Variants in KYNU observed in about 807,000 individuals in gnomAD.
The protein encoded by KYNU is L-kynurenine hydrolase.
KYNU carries 54 observed loss-of-function variants against 59.2 expected under a neutral mutation model. That is an observed-to-expected ratio of 0.91 (90% CI 0.73 to 1.14). The LOEUF (loss-of-function observed/expected upper bound fraction) is 1.14. Among genes scored for constraint, KYNU ranks in the 50% most tolerant of loss-of-function variants. KYNU has a pLI of 0.00. For missense variants in KYNU, 567 were observed against 554.4 expected (o/e 1.02, Z -0.23); for synonymous variants, 177 against 192.0 (o/e 0.92, Z 0.65).
intron 2 of KYNU, among the ~76,000 whole-genome samples, chr2:142,891,378 T>C (rs1681707749): frequency 6.6e-6 from 1 of 152,084 alleles, no homozygotes; most frequent in Non-Finnish European, 1.5e-5. Flanking sequence ...TATTAAACTA[T>C]ATTTGGAGAA....
intron 10 of KYNU, among the ~76,000 whole-genome samples, chr2:143,014,523 T>C (rs1220482096): frequency 2.0e-5 from 3 of 152,200 alleles, no homozygotes; most frequent in Non-Finnish European, 4.4e-5. Flanking sequence ...AAATCAAAAG[T>C]CTTGGCTTTT....
chr2:142,880,954 C>A (rs1401707008), intron 1 of KYNU, among the ~76,000 whole-genome samples: 1 of 152,158 alleles, frequency 6.6e-6, no homozygotes, highest in Non-Finnish European at 1.5e-5. Flanking sequence ...TAGTACCTGG[C>A]AGAATGTATT....
chr2:142,901,245 A>G (rs2104945957), intron 2 of KYNU, among the ~76,000 whole-genome samples: 1 of 152,194 alleles, frequency 6.6e-6, no homozygotes, highest in South Asian at 2.1e-4. Context: ...AAGGGTTTTA[A>G]GTAATTTCTA....
chr2:143,007,427 CT>C (rs1275562439), intron 10 of KYNU, among the ~76,000 whole-genome samples: 1 of 140,460 alleles, frequency 7.1e-6, no homozygotes, highest in Non-Finnish European at 1.5e-5. Context: ...AAATCTACGT[CT>C]GATTGGTGTA....
At chr2:142,960,005 G>A (rs1445354759) in intron 7 of KYNU, among the ~76,000 whole-genome samples, 5 of 152,010 alleles carry the variant, frequency 3.3e-5, no homozygotes, top group Admixed American at 6.6e-5. Flanking sequence ...TCGTGCTTCC[G>A]CCACCCAAGT....
At chr2:142,928,081 T>C (rs1286414858) in intron 4 of KYNU, among the ~76,000 whole-genome samples, 1 of 152,202 alleles carries the variant, frequency 6.6e-6, no homozygotes, top group African/African-American at 2.4e-5. Context: ...TTTTCTATAA[T>C]TTAACTATTT....
chr2:142,944,839 G>A (rs556609923), intron 4 of KYNU, among the ~76,000 whole-genome samples: 15 of 152,306 alleles, frequency 9.8e-5, no homozygotes, highest in African/African-American at 2.9e-4. Flanking sequence ...GGTTGCTGCA[G>A]TAATGCAAAT....
At chr2:142,953,626 A>C (rs974243786) in intron 4 of KYNU, among the ~76,000 whole-genome samples, 3 of 152,204 alleles carry the variant, frequency 2.0e-5, no homozygotes, top group African/African-American at 7.2e-5. Context: ...AGTTCTAGGA[A>C]TATACAGTGA....
rs1409620940 is a variant in KYNU, at chr2:143,044,058, T to A, written c.*1886T>A. ...TGTTCATATGTTCTCATTGTTCAAC[T>A]CTCACTTATGGGTAAGAACATGCAG... On this transcript the variant is annotated 3_prime_UTR_variant, in exon 14 of 14. Transcript: ENST00000264170. 6.6e-6 allele frequency: 1 copy of A among 152,034 alleles called. No homozygotes were observed. Among genetic ancestry groups the A allele is most frequent in the Non-Finnish European group, 1.5e-5 (1 of 68,002 alleles). 9.4% of individuals were successfully genotyped at this position (152,034 alleles called of 1,614,324 possible).
intron 1 of KYNU, among the ~76,000 whole-genome samples, chr2:142,884,553 A>G (rs552536420): frequency 3.3e-5 from 5 of 152,304 alleles, no homozygotes; most frequent in African/African-American, 1.2e-4. Flanking sequence ...TGGAAGCCAC[A>G]AGTGTGGTAC....
chr2:142,913,548 G>T (rs1185047905), intron 2 of KYNU, among the ~76,000 whole-genome samples: 3 of 152,070 alleles, frequency 2.0e-5, no homozygotes, highest in African/African-American at 7.2e-5. Flanking sequence ...TTCCACTGTG[G>T]TCTGAAAGTA....
chr2:143,035,099 C>T (rs544444571), intron 12 of KYNU, among the ~76,000 whole-genome samples: 18 of 152,188 alleles, frequency 1.2e-4, no homozygotes, highest in Non-Finnish European at 1.8e-4. Context: ...CAGTTATAAT[C>T]TGAGAACTGA....
intron 8 of KYNU, among the ~76,000 whole-genome samples, chr2:142,980,547 G>A (rs1685023087): frequency 6.6e-6 from 1 of 152,046 alleles, no homozygotes; most frequent in Admixed American, 6.6e-5. Flanking sequence ...GAAATTAATG[G>A]GGGCTCTGTG....
intron 10 of KYNU, among the ~76,000 whole-genome samples, chr2:143,028,442 C>A (rs2104911440): frequency 6.7e-6 from 1 of 149,818 alleles, no homozygotes; most frequent in East Asian, 2.0e-4. Context: ...CGGTGTTTCA[C>A]CATGTTGGTC....
intron 8 of KYNU, among the ~76,000 whole-genome samples, chr2:142,968,457 C>T (rs1684613712): frequency 6.6e-6 from 1 of 152,092 alleles, no homozygotes; most frequent in Non-Finnish European, 1.5e-5. Flanking sequence ...TTTAGCTTTG[C>T]CCTGAAGACC....
In KYNU at chr2:142,989,434, G is replaced by A. The variant is rs1051130574; in HGVS notation, c.902+3413G>A. The stretch of plus-strand genomic sequence containing the variant: ...GAACATCAAATACAGTGGAACAAAT[G>A]TAACTGCTATTGATGTCACACTTTG... On this transcript the variant is annotated intron_variant, in intron 10 of 13. Transcript: ENST00000264170. 7.1e-6 allele frequency: 7 copies of A among 984,334 alleles called. No homozygotes were observed. The African/African-American group carries it at 1.0e-4, about 15-fold the overall frequency. The allele number at this position is 984,334 out of a possible 1,614,324, so 61.0% of individuals were successfully genotyped here. A position where few individuals can be genotyped will look rare whatever the true frequency, so the allele number is the denominator to read the frequency against.
intron 8 of KYNU, among the ~76,000 whole-genome samples, chr2:142,966,090 T>C (rs1684521951): frequency 6.6e-6 from 1 of 152,128 alleles, no homozygotes; most frequent in Admixed American, 6.6e-5. Flanking sequence ...TATGCCTAAA[T>C]CATCTTGAGG....
intron 8 of KYNU, among the ~76,000 whole-genome samples, chr2:142,984,605 AG>A (rs1409691128): frequency 3.3e-5 from 5 of 152,088 alleles, no homozygotes; most frequent in African/African-American, 1.2e-4. Flanking sequence ...AATGTGGTCA[AG>A]GGTTTTATGT....
At chr2:142,945,765 G>A (rs1296539789) in intron 4 of KYNU, among the ~76,000 whole-genome samples, 1 of 146,040 alleles carries the variant, frequency 6.8e-6, no homozygotes, top group East Asian at 2.0e-4. Flanking sequence ...TTTTGGAAAA[G>A]CAGTCTCTAT....
Sources: allele counts gnomAD v4.1 joint callset (sites outside exome capture counted in the v4.1 genomes callset), GRCh38; gene constraint gnomAD v4.1.1; transcripts MANE v1.5; gene names NCBI Gene and HGNC (gene_info 2026-07-23, HGNC 2026-07-21).